ADAMTS20: variants seen among roughly 807,000 people sequenced by gnomAD.
The protein encoded by ADAMTS20 is A disintegrin and metalloproteinase with thrombospondin motifs 20.
A neutral mutation model predicts 260.1 loss-of-function variants in ADAMTS20; 225 were observed. The observed-to-expected ratio is 0.87, with a 90% CI of 0.78 to 0.97. The LOEUF (loss-of-function observed/expected upper bound fraction) is 0.97, where lower values mean the gene tolerates loss of function less well. Among genes scored for constraint, ADAMTS20 ranks in the 50% least tolerant of loss-of-function variants. ADAMTS20 has a pLI of 0.00. For missense variants in ADAMTS20, 2,400 were observed against 2,337.7 expected (o/e 1.03, Z -0.55); for synonymous variants, 802 against 769.5 (o/e 1.04, Z -0.70).
chr12:43,388,567 C>A (rs1231179165), intron 29 of ADAMTS20, among the ~76,000 whole-genome samples: 1 of 152,130 alleles, frequency 6.6e-6, no homozygotes, highest in Non-Finnish European at 1.5e-5. Flanking sequence ...CAACTTTGTC[C>A]AAGTCTTGTT....
chr12:43,358,256 T>G (rs1330031569), intron 37 of ADAMTS20, among the ~76,000 whole-genome samples: 1 of 152,180 alleles, frequency 6.6e-6, no homozygotes, highest in Non-Finnish European at 1.5e-5. Flanking sequence ...GAGCCTTAGG[T>G]GGTCATTAAC....
At chr12:43,456,089 C>A (rs773388872) in intron 11 of ADAMTS20, among the ~76,000 whole-genome samples, 1 of 152,082 alleles carries the variant, frequency 6.6e-6, no homozygotes, top group Non-Finnish European at 1.5e-5. Context: ...TGAGGAATGG[C>A]CACACTGTTT....
intron 31 of ADAMTS20, among the ~76,000 whole-genome samples, chr12:43,379,369 T>C (rs1035419891): frequency 6.6e-6 from 1 of 152,120 alleles, no homozygotes; most frequent in Non-Finnish European, 1.5e-5. Context: ...CTCCAGTGTA[T>C]TAATGGGATC....
chr12:43,390,804 C>G (rs1940580598), intron 29 of ADAMTS20, among the ~76,000 whole-genome samples: 1 of 152,178 alleles, frequency 6.6e-6, no homozygotes, highest in African/African-American at 2.4e-5. Flanking sequence ...CTCCTCTTCT[C>G]TTTATGGGCT....
At chr12:43,513,191 T>C (rs1942948748) in intron 3 of ADAMTS20, among the ~76,000 whole-genome samples, 1 of 152,152 alleles carries the variant, frequency 6.6e-6, no homozygotes, top group African/African-American at 2.4e-5. Context: ...CCTACAGATA[T>C]CAAAACATTC....
At chr12:43,545,097 G>A (rs1434925198) in intron 2 of ADAMTS20, among the ~76,000 whole-genome samples, 2 of 152,076 alleles carry the variant, frequency 1.3e-5, no homozygotes, top group South Asian at 2.1e-4. Flanking sequence ...AGTAGCATAC[G>A]GTCCATAGGT....
rs182540008 is a variant in ADAMTS20 at position 43,517,410 on chromosome 12, A to G, written c.613+14626T>C. ...TTTATATAGAATAAACAAAACAGTT[A>G]GAAAATAAAATTTTTAAATGATATC... On this transcript the variant is annotated intron_variant, in intron 3 of 38. Coordinates refer to ENST00000389420, the MANE Select transcript of ADAMTS20 (RefSeq NM_025003.5). Among the ~76,000 whole-genome samples the G allele has an allele frequency of 2.4e-4, 36 of 152,200 alleles. No homozygotes were observed. In the East Asian group the frequency reaches 6.4e-3, roughly 27 times the overall value.
chr12:43,523,052 C>T (rs1462481746), intron 3 of ADAMTS20, among the ~76,000 whole-genome samples: 3 of 152,168 alleles, frequency 2.0e-5, no homozygotes, highest in Admixed American at 6.5e-5. Context: ...ATCTGTAGGC[C>T]CACCTATTTA....
intron 28 of ADAMTS20, among the ~76,000 whole-genome samples, chr12:43,416,266 A>C (rs955244305): frequency 6.6e-6 from 1 of 151,946 alleles, no homozygotes; most frequent in African/African-American, 2.4e-5. Flanking sequence ...TTTCGTCTCT[A>C]GTCTGTCACT....
At chr12:43,396,111 G>T (rs147923265) in intron 29 of ADAMTS20, among the ~76,000 whole-genome samples, 1 of 151,772 alleles carries the variant, frequency 6.6e-6, no homozygotes, top group Non-Finnish European at 1.5e-5. Context: ...TGCATCTAAG[G>T]ATATACATTT....
rs1430338080 is a variant in ADAMTS20 at position 43,501,116 on chromosome 12, T to C, written c.867+1036A>G. Among the ~76,000 whole-genome samples, 5 of 138,348 alleles carry C rather than the reference T, an allele frequency of 3.6e-5. No homozygotes were observed. The East Asian group carries it at 1.2e-3, about 34-fold the overall frequency. The allele number at this position is 138,348 out of a possible 152,430, so 90.8% of individuals were successfully genotyped here. A position where few individuals can be genotyped will look rare whatever the true frequency, so the allele number is the denominator to read the frequency against. ...TCTTGTTGCGCAGGCTGGAGTGCAA[T>C]GGCACGATCTCGGCTCACTGCAACC... On this transcript the variant is annotated intron_variant, in intron 4 of 38. Coordinates refer to ENST00000389420, the MANE Select transcript of ADAMTS20 (RefSeq NM_025003.5).
In ADAMTS20 at chr12:43,422,821, G is replaced by A. The variant is rs192001308; in HGVS notation, c.4284+2693C>T. 283 of 152,050 alleles carry A rather than the reference G, an allele frequency of 1.9e-3. 2 individuals carry two copies. Among genetic ancestry groups the A allele is most frequent in the African/African-American group, 6.5e-3 (272 of 41,534 alleles). The allele number at this position is 152,050 out of a possible 1,614,324, so 9.4% of individuals were successfully genotyped here. ...TGTTTTCTTGGTCATTTGTTTTTGT[G>A]AGGTTGAAAAGTCATCTATACAGAG... On this transcript the variant is annotated intron_variant, in intron 28 of 38. Transcript: ENST00000389420.
At chr12:43,457,476 T>C (rs185273286) in intron 11 of ADAMTS20, among the ~76,000 whole-genome samples, 2 of 152,306 alleles carry the variant, frequency 1.3e-5, no homozygotes, top group East Asian at 3.9e-4. Context: ...AACTCCAGAC[T>C]CATATATATG....
At chr12:43,436,624 C>T (rs929899310) in intron 18 of ADAMTS20, among the ~76,000 whole-genome samples, 5 of 152,030 alleles carry the variant, frequency 3.3e-5, no homozygotes, top group Admixed American at 6.5e-5. Flanking sequence ...ACATGGCTAG[C>T]GGCTACCATA....
chr12:43,387,518 G>A (rs1361569271), intron 29 of ADAMTS20, among the ~76,000 whole-genome samples: 3 of 152,202 alleles, frequency 2.0e-5, no homozygotes, highest in Non-Finnish European at 4.4e-5. Context: ...CTCAAATGCT[G>A]TGCTGGGAGA....
chr12:43,502,478 C>T (rs1942783324), intron 3 of ADAMTS20, 73 bp from the exon 4 acceptor site: 3 of 1,406,744 alleles, frequency 2.1e-6, no homozygotes, highest in Non-Finnish European at 2.9e-6. Flanking sequence ...AAAAATAGAA[C>T]AGCCAAAAAT....
At chr12:43,417,865 C>T (rs1475092217) in intron 28 of ADAMTS20, among the ~76,000 whole-genome samples, 4 of 152,180 alleles carry the variant, frequency 2.6e-5, no homozygotes, top group African/African-American at 9.7e-5. Context: ...GACCATCACT[C>T]TGTCATCCAC....
chr12:43,548,659 T>A (rs1236517998), intron 2 of ADAMTS20, among the ~76,000 whole-genome samples: 1 of 152,128 alleles, frequency 6.6e-6, no homozygotes, highest in Non-Finnish European at 1.5e-5. Flanking sequence ...GCAAAATTTT[T>A]AAAAAGTCAC....
intron 11 of ADAMTS20, among the ~76,000 whole-genome samples, chr12:43,457,408 T>C (rs944336624): frequency 3.3e-5 from 5 of 152,188 alleles, no homozygotes; most frequent in Middle Eastern, 3.2e-3. Flanking sequence ...CAGGCTCATA[T>C]CTTGGTTTTT....
Sources: gnomAD v4.1 joint callset for allele counts (sites outside exome capture counted in the v4.1 genomes callset) on GRCh38, gnomAD v4.1.1 for gene constraint, MANE v1.5 for transcripts, NCBI Gene and HGNC (gene_info 2026-07-23, HGNC 2026-07-21) for gene names.